SCAMP1: variants seen among roughly 807,000 people sequenced by gnomAD.
SCAMP1 encodes secretory carrier-associated membrane protein 1.
SCAMP1 carries 15 observed loss-of-function variants against 41.8 expected under a neutral mutation model. The observed-to-expected ratio is 0.36, with a 90% confidence interval of 0.24 to 0.55. SCAMP1 has a LOEUF of 0.55. Among genes scored for constraint, SCAMP1 ranks in the 20% least tolerant of loss-of-function variants. The pLI, the probability that SCAMP1 is intolerant of heterozygous loss-of-function variation, is 0.86. For synonymous variants in SCAMP1, 135 were observed against 136.8 expected (o/e 0.99, Z 0.09); for missense variants, 341 against 412.6 (o/e 0.83, Z 1.50).
At position 78,480,715 on chromosome 5, in the gene SCAMP1, TAAAA is replaced by T. The variant is rs1754121549; in HGVS notation, c.*5049_*5052del. On this transcript the variant is annotated 3_prime_UTR_variant, in exon 9 of 9. Coordinates refer to ENST00000621999, the MANE Select transcript of SCAMP1 (RefSeq NM_004866.6). Reference sequence around the variant, plus strand: ...ATTCAGAAAGTGATACATGAGAAAATAAAAATAAATCCTTAATTCTGTCATCTTG... The same window carrying T: ...ATTCAGAAAGTGATACATGAGAAAATATAAATCCTTAATTCTGTCATCTTG... Among the ~76,000 whole-genome samples the T allele has an allele frequency of 6.6e-6, 1 of 152,104 alleles. No individual in the cohort carries two copies.
At chr5:78,389,498 G>A (rs889465291) in intron 2 of SCAMP1, among the ~76,000 whole-genome samples, 1 of 151,940 alleles carries the variant, frequency 6.6e-6, no homozygotes, top group African/African-American at 2.4e-5. Flanking sequence ...TGAACTCCTG[G>A]TCTCAATCCA....
chr5:78,381,964 A>G (rs1751215122), intron 1 of SCAMP1, among the ~76,000 whole-genome samples: 2 of 152,244 alleles, frequency 1.3e-5, no homozygotes, highest in Admixed American at 6.5e-5. Context: ...GGTTGGAGGA[A>G]GGGAATGGCA....
At chr5:78,418,138 A>G (rs1321016722) in intron 4 of SCAMP1, among the ~76,000 whole-genome samples, 1 of 151,882 alleles carries the variant, frequency 6.6e-6, no homozygotes, top group Non-Finnish European at 1.5e-5. Context: ...GCATTTTTAA[A>G]GGTTCTATAA....
intron 2 of SCAMP1, among the ~76,000 whole-genome samples, chr5:78,398,409 G>C (rs1325215398): frequency 8.3e-6 from 1 of 120,194 alleles, no homozygotes; most frequent in Non-Finnish European, 1.6e-5. Flanking sequence ...TTGTTGCCCA[G>C]GCTTCAGTGC....
chr5:78,400,974 C>G (rs1006031171), intron 2 of SCAMP1, among the ~76,000 whole-genome samples: 13 of 152,048 alleles, frequency 8.5e-5, no homozygotes, highest in African/African-American at 2.9e-4. Flanking sequence ...TAGCATTGGG[C>G]TTTTTGTAGG....
In SCAMP1 at chr5:78,451,649, TTTGA is replaced by T. The variant is rs543379967; in HGVS notation, c.734+1640_734+1643del. 8.4e-4 allele frequency among the ~76,000 whole-genome samples: 128 copies of T among 152,210 alleles called. 1 individual carries two copies. Among genetic ancestry groups the T allele is most frequent in the Middle Eastern group, 3.4e-3 (1 of 294 alleles). On this transcript the variant is annotated intron_variant, in intron 7 of 8. Transcript: ENST00000621999. ...TATGTTTATCTGTAGTTTATTCTAA[TTTGA>T]TTGATTGATTGATTGATTGATTGAG...
intron 2 of SCAMP1, among the ~76,000 whole-genome samples, chr5:78,397,091 T>G (rs1484496452): frequency 1.3e-5 from 2 of 152,098 alleles, no homozygotes; most frequent in East Asian, 3.9e-4. Context: ...TAAGATAAAG[T>G]TTTGTTATAG....
chr5:78,437,037 A>C (rs978439956), intron 6 of SCAMP1, among the ~76,000 whole-genome samples: 2 of 152,154 alleles, frequency 1.3e-5, no homozygotes, highest in Non-Finnish European at 2.9e-5. Flanking sequence ...TTATTGGTGT[A>C]TAGGAATGCT....
chr5:78,461,343 A>C (rs1053658962), intron 8 of SCAMP1, among the ~76,000 whole-genome samples: 5 of 152,026 alleles, frequency 3.3e-5, no homozygotes, highest in Non-Finnish European at 1.5e-5. Flanking sequence ...ATCTTGAGTT[A>C]ATTTTTGTAT....
At chr5:78,458,811 C>T (rs193297827) in intron 7 of SCAMP1, among the ~76,000 whole-genome samples, 9 of 152,104 alleles carry the variant, frequency 5.9e-5, no homozygotes, top group East Asian at 1.9e-4. Context: ...ACCCAGGAGG[C>T]GGAGATTACA....
intron 4 of SCAMP1, 33 bp downstream of exon 4, chr5:78,416,682 CTT>C (rs763998672): frequency 1.4e-6 from 2 of 1,448,850 alleles, no homozygotes; most frequent in South Asian, 1.2e-5. Flanking sequence ...ATAAAAATAA[CTT>C]TTAAATACTT....
chr5:78,401,429 G>GT (rs1192020726), intron 2 of SCAMP1, among the ~76,000 whole-genome samples: 2 of 152,090 alleles, frequency 1.3e-5, no homozygotes, highest in African/African-American at 2.4e-5. Flanking sequence ...TAAATGATTG[G>GT]TAGAATTCAC....
At chr5:78,387,362 C>CT (rs141037666) in intron 1 of SCAMP1, among the ~76,000 whole-genome samples, 81,593 of 135,338 alleles carry the variant, frequency 0.6, 25,532 homozygotes, top group Non-Finnish European at 0.69. Context: ...TATCCTGTAT[C>CT]TTTTTTTTTT....
At chr5:78,382,631 C>T (rs1751231672) in intron 1 of SCAMP1, among the ~76,000 whole-genome samples, 2 of 152,168 alleles carry the variant, frequency 1.3e-5, no homozygotes, top group Admixed American at 6.5e-5. Flanking sequence ...TTTGTGTCCT[C>T]ATAACTTAAC....
chr5:78,463,125 A>T (rs1024572783), intron 8 of SCAMP1, among the ~76,000 whole-genome samples: 1 of 152,124 alleles, frequency 6.6e-6, no homozygotes, highest in Non-Finnish European at 1.5e-5. Context: ...TCTCTATTTG[A>T]AATTTTTAAC....
In SCAMP1 at chr5:78,388,901, C is replaced by T. The variant is rs775773775; in HGVS notation, c.122C>T (p.Ser41Leu). Residue 41 changes from serine to leucine, a missense_variant, in exon 2 of 9, where the codon TCG becomes TTG. Physicochemically the swap from Ser to Leu is moderately radical, Grantham distance 145. Coordinates refer to ENST00000621999, the MANE Select transcript of SCAMP1 (RefSeq NM_004866.6). ...PPGLDEYNPF[S>L]DSRTPPPGGV... ...GGACTTGATGAATATAATCCATTCT[C>T]GGATTCTAGAACAGTAAGATTATTC... is the stretch of plus-strand genomic sequence containing the variant. 8.6e-6 allele frequency: 13 copies of T among 1,517,556 alleles called. No homozygotes were observed. In the Admixed American group the frequency reaches 1.1e-4, roughly 12 times the overall value. 94.0% of individuals were successfully genotyped at this position (1,517,556 alleles called of 1,614,324 possible).
chr5:78,391,872 C>T (rs377487232), intron 2 of SCAMP1, among the ~76,000 whole-genome samples: 7 of 152,208 alleles, frequency 4.6e-5, no homozygotes, highest in Non-Finnish European at 7.3e-5. Context: ...TCAGGCGTGG[C>T]GGCGCGCGCC....
chr5:78,475,036 T>A (rs1231711339), intron 8 of SCAMP1, among the ~76,000 whole-genome samples: 5 of 152,202 alleles, frequency 3.3e-5, no homozygotes, highest in Admixed American at 1.3e-4. Flanking sequence ...CTTGGTACAT[T>A]AAATGATAAA....
chr5:78,363,351 T>A (rs1341465407), intron 1 of SCAMP1, among the ~76,000 whole-genome samples: 1 of 151,970 alleles, frequency 6.6e-6, no homozygotes, highest in Non-Finnish European at 1.5e-5. Context: ...TAGCTGGGAC[T>A]ACAGGCGCCC....
Sources: gnomAD v4.1 joint callset for allele counts (sites outside exome capture counted in the v4.1 genomes callset) on GRCh38, gnomAD v4.1.1 for gene constraint, MANE v1.5 for transcripts, NCBI Gene and HGNC (gene_info 2026-07-23, HGNC 2026-07-21) for gene names.